The following DZANK1 variants were observed in gnomAD, a reference collection of about 807,000 sequenced individuals.
DZANK1 encodes double zinc ribbon and ankyrin repeat domains 1, also known as double zinc ribbon and ankyrin repeat-containing protein 1.
Under a neutral mutation model 94.5 loss-of-function variants are expected in DZANK1, and 91 were observed. The observed-to-expected ratio is 0.96, with a 90% CI of 0.81 to 1.15. The LOEUF (loss-of-function observed/expected upper bound fraction) is 1.15, where lower values mean the gene tolerates loss of function less well. Ranked by LOEUF, DZANK1 falls within the 50% of genes most tolerant of loss-of-function variation. DZANK1 has a pLI of 0.00. For synonymous variants in DZANK1, 312 were observed against 325.3 expected, an observed-to-expected ratio of 0.96 and a Z score of 0.44; for missense variants, 903 against 916.4, an observed-to-expected ratio of 0.99 and a Z score of 0.19.
At chr20:18,454,849 C>A (rs1227450525) in intron 4 of DZANK1, among the ~76,000 whole-genome samples, 1 of 152,150 alleles carries the variant, frequency 6.6e-6, no homozygotes, top group African/African-American at 2.4e-5. Flanking sequence ...GGCCTGGGTG[C>A]CAGGATAGCA....
intron 4 of DZANK1, chr20:18,454,456 C>T (rs1250605072): frequency 5.8e-6 from 1 of 173,622 alleles, no homozygotes; most frequent in East Asian, 1.5e-4. Context: ...CCAACAACAT[C>T]CCTGTGACCA....
chr20:18,387,661 T>C (rs2143846), intron 19 of DZANK1, among the ~76,000 whole-genome samples: 151,037 of 152,360 alleles, frequency 0.99, 74,867 homozygotes, highest in East Asian at 1. Flanking sequence ...TTTCTGAAAT[T>C]TGCTAGTAAG....
At chr20:18,451,939 A>G in intron 6 of DZANK1, 1 of 518,852 alleles carries the variant, frequency 1.9e-6, no homozygotes, top group South Asian at 1.4e-5. Flanking sequence ...AAAACTTTTA[A>G]ATGTAAATGG....
At chr20:18,389,951 T>A in intron 18 of DZANK1, 123 bp from the exon 19 acceptor site, 1 of 1,436,178 alleles carries the variant, frequency 7.0e-7, no homozygotes, top group Non-Finnish European at 9.4e-7. Flanking sequence ...TGCTTTCAGA[T>A]CAAAGGAGAG....
chr20:18,400,273 C>A (rs886948311), intron 13 of DZANK1, among the ~76,000 whole-genome samples: 1 of 152,108 alleles, frequency 6.6e-6, no homozygotes, highest in Non-Finnish European at 1.5e-5. Context: ...GAAGGAAGAA[C>A]GAATGTGTTA....
At chr20:18,428,648 C>G (rs1019024714) in intron 9 of DZANK1, 2 of 152,184 alleles carry the variant, frequency 1.3e-5, no homozygotes, top group Non-Finnish European at 2.9e-5. Flanking sequence ...CAATCTTTTT[C>G]CATTGATAAT....
intron 7 of DZANK1, among the ~76,000 whole-genome samples, chr20:18,444,324 C>T (rs1291677111): frequency 6.6e-6 from 1 of 152,246 alleles, no homozygotes; most frequent in Non-Finnish European, 1.5e-5. Context: ...AACAACAGTT[C>T]CCTCTTTTCT....
At chr20:18,436,255 C>T (rs549129657) in intron 8 of DZANK1, among the ~76,000 whole-genome samples, 3 of 152,060 alleles carry the variant, frequency 2.0e-5, no homozygotes, top group African/African-American at 7.2e-5. Context: ...AAAAAGAATT[C>T]AGTCAAAGCC....
Position 18,441,199 on chromosome 20 carries a change from A to G in DZANK1, c.747+2148T>C, listed in dbSNP as rs2058705225. ...TACTTGCTTCAATTGGCACGTCATC[A>G]CAATCAGCCACAGGTGACAGCCTGA... is the stretch of plus-strand genomic sequence containing the variant. On this transcript the variant is annotated intron_variant, in intron 8 of 20. Transcript: ENST00000262547. This position sits in a 1 kb window ranked among gnomAD's most constrained non-coding sequence, Gnocchi z 4.1. 6.6e-6 allele frequency among the ~76,000 whole-genome samples: 1 copy of G among 152,156 alleles called. No homozygotes were observed. The highest frequency in any genetic ancestry group is 1.5e-5 in the Non-Finnish European group (1 of 68,026).
chr20:18,415,234 T>C (rs777305172), intron 11 of DZANK1, 93 bp downstream of exon 11: 41 of 1,283,624 alleles, frequency 3.2e-5, no homozygotes, highest in Middle Eastern at 4.4e-4. Context: ...TCACAAGAAG[T>C]GATTTCTGCA....
intron 3 of DZANK1, among the ~76,000 whole-genome samples, chr20:18,455,570 G>A (rs1398192767): frequency 6.6e-6 from 1 of 152,186 alleles, no homozygotes; most frequent in Admixed American, 6.5e-5. Flanking sequence ...CACCCCAAAG[G>A]TAGTGCCTTA....
In DZANK1 at chr20:18,448,015, AATTT is replaced by A. The variant is rs1032830993; in HGVS notation, c.629+965_629+968del. Among the ~76,000 whole-genome samples the A allele has an allele frequency of 9.8e-5, 15 of 152,316 alleles. No individual in the cohort carries two copies. In the South Asian group the frequency reaches 2.3e-3, roughly 23 times the overall value. On this transcript the variant is annotated intron_variant, in intron 7 of 20. Transcript: ENST00000262547. ...TTTATTGTATCTGTTAATTTTTATCAATTTATTTATTTATTTAGAGACCAGATAT... is the reference window on the plus strand; with the variant it reads ...TTTATTGTATCTGTTAATTTTTATCAATTTATTTATTTAGAGACCAGATAT...
At chr20:18,445,569 A>AATCAT (rs779450366) in intron 7 of DZANK1, among the ~76,000 whole-genome samples, 3 of 152,184 alleles carry the variant, frequency 2.0e-5, no homozygotes, top group Non-Finnish European at 4.4e-5. Context: ...TTACCAATCA[A>AATCAT]ATCATATATC....
At chr20:18,439,573 C>T (rs1405226616) in intron 8 of DZANK1, among the ~76,000 whole-genome samples, 1 of 152,132 alleles carries the variant, frequency 6.6e-6, no homozygotes, top group Non-Finnish European at 1.5e-5. Context: ...TAAGTGCTGC[C>T]ACTTAACTTC....
chr20:18,428,655 T>C (rs561497490), intron 9 of DZANK1: 1 of 152,272 alleles, frequency 6.6e-6, no homozygotes, highest in Non-Finnish European at 1.5e-5. Context: ...TTTCCATTGA[T>C]AATGACCAGT....
At chr20:18,396,915 G>A (rs1422712769) in intron 14 of DZANK1, among the ~76,000 whole-genome samples, 3 of 152,206 alleles carry the variant, frequency 2.0e-5, no homozygotes, top group Admixed American at 6.5e-5. Flanking sequence ...GGTAGGGGGC[G>A]GGGACAGGGC....
At chr20:18,389,901 A>T (rs1007104291) in intron 18 of DZANK1, 73 bp from the exon 19 acceptor site, 1 of 1,587,820 alleles carries the variant, frequency 6.3e-7, no homozygotes, top group Admixed American at 1.7e-5. Flanking sequence ...CATCCTATGA[A>T]GTATAACAGA....
intron 14 of DZANK1, 121 bp from the exon 15 acceptor site, chr20:18,396,667 GAAGA>G (rs2056360375): frequency 4.8e-6 from 3 of 625,324 alleles, no homozygotes; most frequent in African/African-American, 3.8e-5. Flanking sequence ...AATTAACACA[GAAGA>G]AAGTAGGAAA....
intron 9 of DZANK1, among the ~76,000 whole-genome samples, chr20:18,429,424 C>T (rs1012181724): frequency 2.6e-5 from 4 of 152,166 alleles, no homozygotes; most frequent in Non-Finnish European, 5.9e-5. Context: ...AATTAATAAA[C>T]TTTAAACTTT....
Sources: allele counts gnomAD v4.1 joint callset (sites outside exome capture counted in the v4.1 genomes callset), GRCh38; gene constraint gnomAD v4.1.1; non-coding constraint Gnocchi (gnomAD v3.1); transcripts MANE v1.5; gene names NCBI Gene and HGNC (gene_info 2026-07-23, HGNC 2026-07-21).